The following CADPS2 variants were observed in gnomAD, a reference collection of about 807,000 sequenced individuals.
CADPS2 encodes the protein calcium dependent secretion activator 2.
A neutral mutation model predicts 172.5 loss-of-function variants in CADPS2; 93 were observed. The observed-to-expected ratio is 0.54, with a 90% CI of 0.46 to 0.64. The LOEUF (loss-of-function observed/expected upper bound fraction) is 0.64, where lower values mean the gene tolerates loss of function less well. CADPS2 is among the 30% of genes least tolerant of loss of function. The pLI is 0.00. For missense variants in CADPS2, 1,420 were observed against 1,565.9 expected (o/e 0.91, Z 1.57); for synonymous variants, 546 against 555.2 (o/e 0.98, Z 0.23).
chr7:122,488,030 G>A lies in CADPS2; in HGVS notation c.1852+2051C>T, dbSNP rs182379813. The stretch of plus-strand genomic sequence containing the variant: ...CAAATTTGCAAAATGAAAAACACAG[G>A]AAATTCACATTAAATGCTGTAGAAC... On this transcript the variant is annotated intron_variant, in intron 11 of 29. Coordinates refer to ENST00000449022, the MANE Select transcript of CADPS2 (RefSeq NM_017954.11). 3.3e-5 allele frequency among the ~76,000 whole-genome samples: 5 copies of A among 152,248 alleles called. No individual in the cohort carries two copies. In the East Asian group the frequency reaches 9.6e-4, roughly 29 times the overall value.
chr7:122,769,376 A>G (rs1177214223), intron 1 of CADPS2, among the ~76,000 whole-genome samples: 3 of 152,160 alleles, frequency 2.0e-5, no homozygotes, highest in African/African-American at 7.2e-5. Context: ...ACTTACAGGG[A>G]CACAATTCTG....
intron 1 of CADPS2, among the ~76,000 whole-genome samples, chr7:122,779,866 G>A (rs1366095988): frequency 2.0e-5 from 3 of 152,020 alleles, no homozygotes; most frequent in African/African-American, 7.3e-5. Context: ...ACTTCTGGAT[G>A]AGTCCCATCC....
intron 8 of CADPS2, among the ~76,000 whole-genome samples, chr7:122,525,535 C>T (rs1168174713): frequency 3.3e-5 from 5 of 152,128 alleles, no homozygotes; most frequent in Non-Finnish European, 7.4e-5. Context: ...TGCTGTTAAT[C>T]CAGCTCTGAT....
chr7:122,754,852 T>A (rs2093094636), intron 1 of CADPS2, among the ~76,000 whole-genome samples: 1 of 152,232 alleles, frequency 6.6e-6, no homozygotes, highest in Admixed American at 6.5e-5. Context: ...CTGAATTAAA[T>A]GAAAATGTAT....
chr7:122,482,401 C>T (rs1337629555), intron 11 of CADPS2, among the ~76,000 whole-genome samples: 2 of 152,016 alleles, frequency 1.3e-5, no homozygotes, highest in African/African-American at 4.8e-5. Flanking sequence ...CATTACATAA[C>T]GCACAGGAAA....
intron 25 of CADPS2, among the ~76,000 whole-genome samples, chr7:122,365,904 G>A (rs1045769911): frequency 2.6e-5 from 4 of 152,126 alleles, no homozygotes; most frequent in Non-Finnish European, 5.9e-5. Context: ...TCTAAGTGAC[G>A]GGAGGATTCC....
chr7:122,396,862 A>G (rs1023710375), intron 20 of CADPS2, among the ~76,000 whole-genome samples: 18 of 152,302 alleles, frequency 1.2e-4, no homozygotes, highest in African/African-American at 4.1e-4. Context: ...GGCAGGAACT[A>G]TGTCTGTATT....
chr7:122,477,961 T>C (rs73218204), intron 12 of CADPS2, among the ~76,000 whole-genome samples: 2,012 of 152,310 alleles, frequency 0.013, 23 homozygotes, highest in Middle Eastern at 0.034. Context: ...CACTTTAAAG[T>C]TATCTCATGA....
chr7:122,461,661 C>A (rs1225373624), intron 14 of CADPS2, among the ~76,000 whole-genome samples: 1 of 152,124 alleles, frequency 6.6e-6, no homozygotes, highest in Non-Finnish European at 1.5e-5. Context: ...GTGGCGCCAT[C>A]TCGGCTCACT....
At chr7:122,356,882 A>G (rs555111250) in intron 27 of CADPS2, among the ~76,000 whole-genome samples, 1 of 152,150 alleles carries the variant, frequency 6.6e-6, no homozygotes, top group South Asian at 2.1e-4. Context: ...TTCATCTTGT[A>G]TATTTTTCAG....
intron 15 of CADPS2, among the ~76,000 whole-genome samples, chr7:122,444,751 C>T (rs2051907880): frequency 1.3e-5 from 2 of 152,084 alleles, no homozygotes; most frequent in Admixed American, 1.3e-4. Context: ...TGCGACTTAA[C>T]TTTTTATTCT....
intron 2 of CADPS2, among the ~76,000 whole-genome samples, chr7:122,689,348 C>G (rs192326440): frequency 6.6e-6 from 1 of 152,148 alleles, no homozygotes; most frequent in African/African-American, 2.4e-5. Flanking sequence ...TAAGGCCATC[C>G]GGTTTTGTAG....
At chr7:122,717,469 A>G (rs2089776391) in intron 2 of CADPS2, among the ~76,000 whole-genome samples, 2 of 152,192 alleles carry the variant, frequency 1.3e-5, no homozygotes, top group South Asian at 4.1e-4. Context: ...ACACTTACTT[A>G]TGACACAACT....
chr7:122,324,476 T>C (rs992002022), intron 29 of CADPS2, among the ~76,000 whole-genome samples: 1 of 152,162 alleles, frequency 6.6e-6, no homozygotes, highest in African/African-American at 2.4e-5. Context: ...TATAGATTAC[T>C]GGGTTCCACC....
At chr7:122,679,069 C>A (rs201850059) in intron 2 of CADPS2, among the ~76,000 whole-genome samples, 1 of 152,166 alleles carries the variant, frequency 6.6e-6, no homozygotes, top group East Asian at 1.9e-4. Context: ...AATATGAAAT[C>A]TGGGCACCTT....
chr7:122,407,506 C>T (rs1214613819), intron 20 of CADPS2, 34 bp downstream of exon 20: 1 of 1,595,918 alleles, frequency 6.3e-7, no homozygotes, highest in South Asian at 1.1e-5. Flanking sequence ...CACCCCTCCC[C>T]ATTTCACATA....
chr7:122,607,729 A>G, intron 6 of CADPS2, among the ~76,000 whole-genome samples: 1 of 152,050 alleles, frequency 6.6e-6, no homozygotes, highest in Non-Finnish European at 1.5e-5. Context: ...AATGAATGTA[A>G]ATTTCTGTAT....
chr7:122,525,288 A>C (rs2061136085), intron 8 of CADPS2, among the ~76,000 whole-genome samples: 2 of 152,210 alleles, frequency 1.3e-5, no homozygotes, highest in South Asian at 4.1e-4. Flanking sequence ...TCTGAAATTT[A>C]GTAAACAAAC....
intron 7 of CADPS2, among the ~76,000 whole-genome samples, chr7:122,580,161 C>T (rs1020245895): frequency 6.6e-6 from 1 of 151,928 alleles, no homozygotes; most frequent in African/African-American, 2.4e-5. Flanking sequence ...AAGATAGGTT[C>T]ACATTACAGA....
Sources: gnomAD v4.1 joint callset for allele counts (sites outside exome capture counted in the v4.1 genomes callset) on GRCh38, gnomAD v4.1.1 for gene constraint, MANE v1.5 for transcripts, NCBI Gene and HGNC (gene_info 2026-07-23, HGNC 2026-07-21) for gene names.